PGPEP1L: variants seen among roughly 807,000 people sequenced by gnomAD.
PGPEP1L encodes pyroglutamyl-peptidase 1-like protein.
A neutral mutation model predicts 6.0 loss-of-function variants in PGPEP1L; 7 were observed. The observed-to-expected ratio is 1.17, with a 90% CI of 0.66 to 2.19. The LOEUF (loss-of-function observed/expected upper bound fraction) is 2.19. Among genes scored for constraint, PGPEP1L ranks in the 30% most tolerant of loss-of-function variants. The pLI, the probability that PGPEP1L is intolerant of heterozygous loss-of-function variation, is 0.00. For missense variants in PGPEP1L, 209 were observed against 192.5 expected (o/e 1.09, Z -0.51); for synonymous variants, 103 against 83.9 (o/e 1.23, Z -1.24).
chr15:99,006,748 T>C (rs186693725), intron 1 of PGPEP1L, among the ~76,000 whole-genome samples: 99 of 152,332 alleles, frequency 6.5e-4, no homozygotes, highest in African/African-American at 2.2e-3. Flanking sequence ...CCGTCAGTCG[T>C]AACTGCACCT....
chr15:98,969,283 A>G, intron 4 of PGPEP1L, 142 bp downstream of exon 4: 1 of 1,017,680 alleles, frequency 9.8e-7, no homozygotes, highest in South Asian at 1.5e-5. Flanking sequence ...TGCACACAGC[A>G]AAGAGGGGCA....
At chr15:98,986,624 AAATT>A (rs148331628) in intron 2 of PGPEP1L, among the ~76,000 whole-genome samples, 4,516 of 152,300 alleles carry the variant, frequency 0.03, 219 homozygotes, top group African/African-American at 0.1. Context: ...AAGAACTCCT[AAATT>A]AATAGCCATT....
At chr15:98,993,814 A>C (rs1198361154) in intron 2 of PGPEP1L, among the ~76,000 whole-genome samples, 2 of 148,746 alleles carry the variant, frequency 1.3e-5, no homozygotes, top group Non-Finnish European at 3.0e-5. Context: ...CCAGAACTTA[A>C]AGTATAATAA....
intron 2 of PGPEP1L, among the ~76,000 whole-genome samples, chr15:99,000,465 C>T (rs1285782031): frequency 2.0e-5 from 3 of 152,204 alleles, no homozygotes; most frequent in Non-Finnish European, 1.5e-5. Context: ...CAGCTGGGCT[C>T]CTGAGTCTGG....
At chr15:98,968,939 A>G (rs921279976) in intron 4 of PGPEP1L, among the ~76,000 whole-genome samples, 2 of 134,500 alleles carry the variant, frequency 1.5e-5, no homozygotes, top group African/African-American at 5.0e-5. Flanking sequence ...CAGATATTCC[A>G]CAGCACCTGC....
chr15:98,985,448 G>C (rs1288405994), intron 2 of PGPEP1L, among the ~76,000 whole-genome samples: 1 of 152,212 alleles, frequency 6.6e-6, no homozygotes, highest in Non-Finnish European at 1.5e-5. Flanking sequence ...TGAGGCAAGA[G>C]AATTACTTGA....
chr15:99,007,778 C>T lies in PGPEP1L; in HGVS notation c.-789G>A, dbSNP rs541690037. 15 of 152,368 alleles carry T rather than the reference C, an allele frequency of 9.8e-5. No individual in the cohort carries two copies. The highest frequency in any genetic ancestry group is 2.1e-4 in the South Asian group (1 of 4,832). The allele number at this position is 152,368 out of a possible 1,614,324, so 9.4% of individuals were successfully genotyped here. ...AAAACTTCCACAGCACAGAAGGCGA[C>T]TCCAGCAAGTTGCTACTGCTACCTG... is the stretch of plus-strand genomic sequence containing the variant. On this transcript the variant is annotated 5_prime_UTR_variant, in exon 1 of 5. Coordinates refer to ENST00000535714, the MANE Select transcript of PGPEP1L (RefSeq NM_001167902.2).
intron 2 of PGPEP1L, among the ~76,000 whole-genome samples, chr15:98,984,002 A>T (rs988433363): frequency 1.4e-5 from 2 of 146,900 alleles, no homozygotes; most frequent in Non-Finnish European, 3.0e-5. Flanking sequence ...GCAGTGGAGT[A>T]AGTAGTCTTT....
chr15:98,983,155 T>TG (rs113023648), intron 2 of PGPEP1L, among the ~76,000 whole-genome samples: 545 of 32,900 alleles, frequency 0.017, 4 homozygotes, highest in South Asian at 0.042. Context: ...AAGGTTCTCT[T>TG]GGGAAAAAAA....
intron 2 of PGPEP1L, among the ~76,000 whole-genome samples, chr15:99,002,559 T>C (rs1299506981): frequency 5.9e-5 from 9 of 152,152 alleles, no homozygotes; most frequent in Admixed American, 1.3e-4. Flanking sequence ...GCTTTTATAT[T>C]GAAAATGTTA....
chr15:98,977,834 G>C, intron 2 of PGPEP1L, among the ~76,000 whole-genome samples: 1 of 152,194 alleles, frequency 6.6e-6, no homozygotes. Flanking sequence ...TTTGCTGCAC[G>C]TATTTTACAA....
At position 98,968,440 on chromosome 15, in the gene PGPEP1L, T is replaced by G. The variant is rs774706069; in HGVS notation, c.*38A>C. The G allele has an allele frequency of 4.4e-6, 7 of 1,584,158 alleles. No homozygotes were observed. The highest frequency in any genetic ancestry group is 1.3e-5 in the African/African-American group (1 of 74,642). ...CACAGTTGAGTGCTACATACAGGAT[T>G]GAAACATTCAATTTTCTCTAGAGGA... On this transcript the variant is annotated 3_prime_UTR_variant, in exon 5 of 5. Transcript: ENST00000535714.
At chr15:98,971,281 T>C (rs2017493323) in intron 2 of PGPEP1L, 123 bp from the exon 3 acceptor site, 1 of 1,319,028 alleles carries the variant, frequency 7.6e-7, no homozygotes, top group Non-Finnish European at 1.0e-6. Context: ...GCCTGGACTT[T>C]GCCCTCAAGG....
At chr15:98,983,105 T>C (rs973579032) in intron 2 of PGPEP1L, among the ~76,000 whole-genome samples, 2 of 151,716 alleles carry the variant, frequency 1.3e-5, no homozygotes, top group African/African-American at 4.9e-5. Flanking sequence ...TTCACCTAGG[T>C]TGGAAAAAGG....
At chr15:98,988,469 G>GA (rs1378196089) in intron 2 of PGPEP1L, among the ~76,000 whole-genome samples, 4 of 152,186 alleles carry the variant, frequency 2.6e-5, no homozygotes, top group Admixed American at 6.5e-5. Flanking sequence ...GGGCATCTCT[G>GA]AAAAAAAGGC....
chr15:98,971,017 G>A lies in PGPEP1L; in HGVS notation c.-19+19C>T. 1.2e-6 allele frequency: 2 copies of A among 1,613,064 alleles called. No homozygotes were observed. Among genetic ancestry groups the A allele is most frequent in the Non-Finnish European group, 1.7e-6 (2 of 1,179,386 alleles). Reference sequence around the variant, plus strand: ...CACATCGCCAGTCCCATGCCCCACTGCCTCTGGCCATCACTTACTTGCGGC... The same window carrying A: ...CACATCGCCAGTCCCATGCCCCACTACCTCTGGCCATCACTTACTTGCGGC... On this transcript the variant is annotated intron_variant, in intron 3 of 4. Coordinates refer to ENST00000535714, the MANE Select transcript of PGPEP1L (RefSeq NM_001167902.2).
chr15:99,001,439 G>T (rs528564763), intron 2 of PGPEP1L, among the ~76,000 whole-genome samples: 3 of 152,168 alleles, frequency 2.0e-5, no homozygotes, highest in Non-Finnish European at 2.9e-5. Context: ...GCTAAGGGGT[G>T]TGGGGTTTCT....
intron 2 of PGPEP1L, among the ~76,000 whole-genome samples, chr15:99,001,758 C>G (rs1307470184): frequency 2.6e-5 from 4 of 152,168 alleles, no homozygotes. Context: ...CACCCTGTCA[C>G]GTAGGCTGGA....
intron 2 of PGPEP1L, among the ~76,000 whole-genome samples, chr15:98,992,143 GAGA>G (rs1246653814): frequency 2.0e-5 from 3 of 152,320 alleles, no homozygotes; most frequent in Admixed American, 6.5e-5. Flanking sequence ...CAAATAGGAA[GAGA>G]AGAAGTCAAA....
Sources: gnomAD v4.1 joint callset for allele counts (sites outside exome capture counted in the v4.1 genomes callset) on GRCh38, gnomAD v4.1.1 for gene constraint, MANE v1.5 for transcripts, NCBI Gene and HGNC (gene_info 2026-07-23, HGNC 2026-07-21) for gene names.